URB1: variants seen among roughly 807,000 people sequenced by gnomAD.
The protein encoded by URB1 is nucleolar pre-ribosomal-associated protein 1.
In URB1, 197 loss-of-function variants were observed where a neutral mutation model predicts 242.3. That is an observed-to-expected ratio of 0.81 (90% confidence interval 0.72 to 0.91). The LOEUF (loss-of-function observed/expected upper bound fraction) is 0.91, where lower values mean the gene tolerates loss of function less well. Ranked by LOEUF, URB1 falls within the 40% of genes least tolerant of loss-of-function variation. The pLI, the probability that URB1 is intolerant of heterozygous loss-of-function variation, is 0.00. For synonymous variants in URB1, 1,153 were observed against 1,201.8 expected, an observed-to-expected ratio of 0.96 and a Z score of 0.84; for missense variants, 2,721 against 2,860.5, an observed-to-expected ratio of 0.95 and a Z score of 1.11.
At chr21:32,387,368 G>C (rs1401059694) in intron 1 of URB1, among the ~76,000 whole-genome samples, 1 of 152,056 alleles carries the variant, frequency 6.6e-6, no homozygotes, top group African/African-American at 2.4e-5. Context: ...GCAGTGAGTC[G>C]AGATCGTGCC....
rs367682837 is a variant in URB1 at position 32,318,719 on chromosome 21, C to A, written c.5792+498G>T. Among the ~76,000 whole-genome samples, 3 of 152,134 alleles carry A rather than the reference C, an allele frequency of 2.0e-5. No individual in the cohort carries two copies. In the East Asian group the frequency reaches 5.8e-4, roughly 29 times the overall value. ...GGGAAATTTAGCTCTTCTGAGGAAACCAAAAGCATGACTCCAAGGGATCGG... is the reference window on the plus strand; with the variant it reads ...GGGAAATTTAGCTCTTCTGAGGAAAACAAAAGCATGACTCCAAGGGATCGG... On this transcript the variant is annotated intron_variant, in intron 36 of 38. Transcript: ENST00000382751.
intron 8 of URB1, among the ~76,000 whole-genome samples, chr21:32,370,097 T>C (rs28539539): frequency 0.15 from 23,253 of 151,878 alleles, 2,406 homozygotes; most frequent in African/African-American, 0.3. Context: ...CTTCATCTGC[T>C]TCAAAGTCTT....
At chr21:32,388,617 G>C (rs1334437933) in intron 1 of URB1, among the ~76,000 whole-genome samples, 1 of 152,222 alleles carries the variant, frequency 6.6e-6, no homozygotes, top group Non-Finnish European at 1.5e-5. Context: ...TTCTGACCAA[G>C]GTGACTGTGA....
chr21:32,383,565 A>G lies in URB1; in HGVS notation c.435-11T>C. The G allele has an allele frequency of 6.5e-7, 1 of 1,549,070 alleles. No homozygotes were observed. Among genetic ancestry groups the G allele is most frequent in the South Asian group, 1.2e-5 (1 of 83,792 alleles). ...CAGGCGCGAGCCAACCTGCACAGGG[A>G]ACCAGAGGAAATCGGACACGTCAAC... On this transcript the variant is annotated splice_polypyrimidine_tract_variant and intron_variant, in intron 3 of 38. Coordinates refer to ENST00000382751, the MANE Select transcript of URB1 (RefSeq NM_014825.3).
rs201141721 is a variant in URB1 at position 32,312,010 on chromosome 21, T to A, written c.*2908A>T. The A allele has an allele frequency of 3.5e-5, 56 of 1,612,868 alleles. No individual in the cohort carries two copies. Among genetic ancestry groups the A allele is most frequent in the Middle Eastern group, 1.6e-4 (1 of 6,062 alleles). ...TTGCAGAGCTGATGTCAGTAAATCG[T>A]GGCCATAGCTGAGTGAACTGGTGAA... On this transcript the variant is annotated 3_prime_UTR_variant, in exon 39 of 39. Transcript: ENST00000382751.
At position 32,337,902 on chromosome 21, in the gene URB1, C is replaced by T. The variant is rs115571887; in HGVS notation, c.4511-388G>A. Among the ~76,000 whole-genome samples, 264 of 152,200 alleles carry T rather than the reference C, an allele frequency of 1.7e-3. 2 individuals are homozygous for T. Among genetic ancestry groups the T allele is most frequent in the African/African-American group, 6.1e-3 (254 of 41,502 alleles). ...TTGACAAGGCTGAATTCAGTCCCTG[C>T]GCATTCCCCCTCCCAAATGTTAAGC... is the stretch of plus-strand genomic sequence containing the variant. On this transcript the variant is annotated intron_variant, in intron 26 of 38. Coordinates refer to ENST00000382751, the MANE Select transcript of URB1 (RefSeq NM_014825.3).
intron 5 of URB1, among the ~76,000 whole-genome samples, chr21:32,377,515 A>T (rs1405593137): frequency 6.6e-6 from 1 of 152,038 alleles, no homozygotes; most frequent in African/African-American, 2.4e-5. Flanking sequence ...TCCTGAACCT[A>T]GTGCCTGGTA....
At chr21:32,365,971 C>A (rs982509917) in intron 10 of URB1, among the ~76,000 whole-genome samples, 1 of 152,238 alleles carries the variant, frequency 6.6e-6, no homozygotes, top group Non-Finnish European at 1.5e-5. Context: ...CCAGGACCCA[C>A]GTGTGCCAAC....
At chr21:32,354,792 T>C (rs1466048335) in intron 17 of URB1, 67 bp downstream of exon 17, 4 of 1,509,738 alleles carry the variant, frequency 2.6e-6, no homozygotes, top group Non-Finnish European at 3.6e-6. Flanking sequence ...TTGTTCTCAA[T>C]CTCTTAACAC....
intron 34 of URB1, among the ~76,000 whole-genome samples, chr21:32,321,582 T>C (rs765576119): frequency 2.0e-4 from 31 of 152,114 alleles, no homozygotes; most frequent in African/African-American, 4.6e-4. Context: ...CAAATGACAC[T>C]GGGGGTCACA....
Position 32,325,327 on chromosome 21 carries a change from G to T in URB1, c.5023C>A (p.Leu1675Ile), listed in dbSNP as rs1183465401. 1.3e-6 allele frequency: 2 copies of T among 1,551,718 alleles called. No homozygotes were observed. The highest frequency in any genetic ancestry group is 2.4e-5 in the East Asian group (1 of 40,918). Residue 1675 changes from leucine to isoleucine, a missense_variant, in exon 31 of 39, where the codon CTC (leucine) becomes ATC (isoleucine). Physicochemically the swap from Leu to Ile is conservative, Grantham distance 5 (BLOSUM62 2). Coordinates refer to ENST00000382751, the MANE Select transcript of URB1 (RefSeq NM_014825.3). ...CGCATCTGGGGGTCATAGCTGCTGA[G>T]GGCTGTGACAGTTAGGCCCAGAGCA... is the stretch of plus-strand genomic sequence containing the variant. Reference protein sequence around the residue: ...SNALGLTVTALSSYDPQMRAI... With the variant: ...SNALGLTVTAISSYDPQMRAI...
rs78673078 is a variant in URB1, at chr21:32,345,651, C to T, written c.3869-76G>A. 10,814 of 1,417,794 alleles carry T rather than the reference C, an allele frequency of 7.6e-3. 389 individuals carry two copies. In the East Asian group the frequency reaches 0.099, roughly 13 times the overall value. The allele number at this position is 1,417,794 out of a possible 1,614,324, so 87.8% of individuals were successfully genotyped here. ...GCCAGCTTGGACCAGCTCCTAGGAA[C>T]TGGTTGCTATATTTTAGGTATCCTG... On this transcript the variant is annotated intron_variant, in intron 22 of 38. Coordinates refer to ENST00000382751, the MANE Select transcript of URB1 (RefSeq NM_014825.3).
At chr21:32,374,960 G>A (rs963402545) in intron 6 of URB1, among the ~76,000 whole-genome samples, 3 of 152,296 alleles carry the variant, frequency 2.0e-5, no homozygotes, top group African/African-American at 4.8e-5. Flanking sequence ...GATTTAAAGT[G>A]TTTCTGTATT....
chr21:32,383,323 T>G, intron 4 of URB1, 99 bp downstream of exon 4: 2 of 1,376,104 alleles, frequency 1.5e-6, no homozygotes, highest in Non-Finnish European at 1.9e-6. Flanking sequence ...TCTCATTTCA[T>G]CTGTGTGGGG....
At chr21:32,336,648 T>C (rs1313820440) in intron 28 of URB1, among the ~76,000 whole-genome samples, 2 of 151,866 alleles carry the variant, frequency 1.3e-5, no homozygotes, top group African/African-American at 4.8e-5. Flanking sequence ...CCCACCTACA[T>C]ACACGCATGC....
chr21:32,352,293 A>G (rs2033166914), intron 19 of URB1, among the ~76,000 whole-genome samples: 1 of 152,102 alleles, frequency 6.6e-6, no homozygotes, highest in Non-Finnish European at 1.5e-5. Flanking sequence ...AACAGAAGAG[A>G]CCCTGCTGGA....
chr21:32,351,625 T>C (rs2033159639), intron 19 of URB1, among the ~76,000 whole-genome samples: 1 of 152,168 alleles, frequency 6.6e-6, no homozygotes, highest in Admixed American at 6.5e-5. Flanking sequence ...GGCCAGACAC[T>C]GTGGCTGGAA....
chr21:32,317,543 A>G, intron 37 of URB1, 133 bp downstream of exon 37: 1 of 1,356,606 alleles, frequency 7.4e-7, no homozygotes, highest in South Asian at 1.5e-5. Flanking sequence ...CAGGGCTCCA[A>G]GATGGATGTG....
At chr21:32,354,426 G>C (rs180747858) in intron 17 of URB1, among the ~76,000 whole-genome samples, 21 of 152,258 alleles carry the variant, frequency 1.4e-4, no homozygotes, top group African/African-American at 5.1e-4. Context: ...ATAGTGTGAG[G>C]GTTAAAGCAC....
Sources: gnomAD v4.1 joint callset for allele counts (sites outside exome capture counted in the v4.1 genomes callset) on GRCh38, gnomAD v4.1.1 for gene constraint, MANE v1.5 for transcripts, NCBI Gene and HGNC (gene_info 2026-07-23, HGNC 2026-07-21) for gene names.